Variants in KIAA2012 observed in about 807,000 individuals in gnomAD.
KIAA2012 encodes uncharacterized protein KIAA2012.
In KIAA2012, 125 loss-of-function variants were observed where a neutral mutation model predicts 150.6. The observed-to-expected ratio is 0.83, with a 90% CI of 0.72 to 0.96. The LOEUF (loss-of-function observed/expected upper bound fraction) is 0.96, where lower values mean the gene tolerates loss of function less well. Ranked by LOEUF, KIAA2012 falls within the 40% of genes least tolerant of loss-of-function variation. The pLI is 0.00. For synonymous variants in KIAA2012, 462 were observed against 504.7 expected (o/e 0.92, Z 1.13); for missense variants, 1,219 against 1,354.9 (o/e 0.90, Z 1.57).
intron 4 of KIAA2012, among the ~76,000 whole-genome samples, chr2:202,093,555 T>C (rs1041933294): frequency 6.6e-6 from 1 of 151,914 alleles, no homozygotes; most frequent in Non-Finnish European, 1.5e-5. Context: ...TTTTAGATGA[T>C]TTCTTAGATC....
chr2:202,111,566 A>G (rs185729763), intron 10 of KIAA2012, among the ~76,000 whole-genome samples: 1 of 151,452 alleles, frequency 6.6e-6, no homozygotes, highest in Non-Finnish European at 1.5e-5. Flanking sequence ...GGACTGGGAA[A>G]AGAGAGCAGC....
At chr2:202,156,331 C>T (rs1691523764) in intron 14 of KIAA2012, among the ~76,000 whole-genome samples, 1 of 152,132 alleles carries the variant, frequency 6.6e-6, no homozygotes. Context: ...CCCTTTTATT[C>T]TTAGCAACAG....
chr2:202,076,624 C>T (rs1689329885), intron 2 of KIAA2012, among the ~76,000 whole-genome samples: 1 of 152,116 alleles, frequency 6.6e-6, no homozygotes, highest in South Asian at 2.1e-4. Context: ...TTCTTGCCTC[C>T]TTGTATAGAT....
chr2:202,102,843 G>A, intron 7 of KIAA2012, 103 bp from the exon 8 acceptor site: 2 of 1,137,166 alleles, frequency 1.8e-6, no homozygotes, highest in Middle Eastern at 2.0e-4. Flanking sequence ...TCTCTCAGCA[G>A]CTCCTGGTGC....
At chr2:202,082,629 G>A (rs562786995) in intron 2 of KIAA2012, among the ~76,000 whole-genome samples, 3 of 151,478 alleles carry the variant, frequency 2.0e-5, no homozygotes, top group Non-Finnish European at 4.4e-5. Context: ...TAATTTTTAT[G>A]AAGTCCAACT....
chr2:202,144,324 T>C (rs1691255317), intron 13 of KIAA2012, among the ~76,000 whole-genome samples: 1 of 152,222 alleles, frequency 6.6e-6, no homozygotes, highest in African/African-American at 2.4e-5. Context: ...TACAACAGTA[T>C]AAATTCATAT....
At chr2:202,151,679 T>G (rs1691430724) in intron 13 of KIAA2012, among the ~76,000 whole-genome samples, 1 of 152,228 alleles carries the variant, frequency 6.6e-6, no homozygotes, top group African/African-American at 2.4e-5. Flanking sequence ...TAGTAGGCAC[T>G]TAATAAATAT....
At chr2:202,106,093 TAACA>T in intron 9 of KIAA2012, 183 bp downstream of exon 9, 1 of 1,487,188 alleles carries the variant, frequency 6.7e-7, no homozygotes, top group Non-Finnish European at 8.9e-7. Flanking sequence ...GCACTAAAAC[TAACA>T]GTGTCCAGCT....
intron 21 of KIAA2012, among the ~76,000 whole-genome samples, chr2:202,195,023 C>G (rs1692390445): frequency 6.6e-6 from 1 of 151,916 alleles, no homozygotes; most frequent in South Asian, 2.1e-4. Flanking sequence ...CTGCCTTGGC[C>G]TCCCAAAGTG....
At chr2:202,127,157 A>G (rs1323576132) in intron 12 of KIAA2012, among the ~76,000 whole-genome samples, 1 of 152,204 alleles carries the variant, frequency 6.6e-6, no homozygotes, top group African/African-American at 2.4e-5. Flanking sequence ...TCCTGAAACA[A>G]ATTTTCAAGC....
chr2:202,083,767 G>C (rs1286590715), intron 2 of KIAA2012, among the ~76,000 whole-genome samples: 2 of 151,400 alleles, frequency 1.3e-5, no homozygotes, highest in East Asian at 3.9e-4. Flanking sequence ...GGGGGGCGGG[G>C]GGGCTGTAAC....
intron 2 of KIAA2012, among the ~76,000 whole-genome samples, chr2:202,085,734 G>A (rs942244042): frequency 6.6e-6 from 1 of 152,184 alleles, no homozygotes. Flanking sequence ...AATACACCAA[G>A]ATCAGCTTCC....
chr2:202,109,212 T>G (rs536555161), intron 9 of KIAA2012, among the ~76,000 whole-genome samples: 31 of 152,326 alleles, frequency 2.0e-4, no homozygotes, highest in African/African-American at 7.2e-4. Flanking sequence ...GCCTTAGGAC[T>G]AGGGTTGGAA....
intron 13 of KIAA2012, among the ~76,000 whole-genome samples, chr2:202,153,282 C>G (rs546370669): frequency 9.9e-5 from 15 of 152,056 alleles, no homozygotes; most frequent in Non-Finnish European, 2.2e-4. Flanking sequence ...GATGGCTGCA[C>G]AAGCCTCAGC....
At chr2:202,157,880 T>A (rs574046796) in intron 14 of KIAA2012, among the ~76,000 whole-genome samples, 11 of 152,324 alleles carry the variant, frequency 7.2e-5, no homozygotes, top group African/African-American at 2.6e-4. Context: ...ACACATTCCA[T>A]CTGCACCAGG....
At chr2:202,110,064 C>T (rs1242290195) in intron 10 of KIAA2012, among the ~76,000 whole-genome samples, 1 of 152,202 alleles carries the variant, frequency 6.6e-6, no homozygotes, top group African/African-American at 2.4e-5. Context: ...ACACAGCTCC[C>T]TGTGCTCCTG....
intron 6 of KIAA2012, 149 bp from the exon 7 acceptor site, chr2:202,100,158 C>T: frequency 1.3e-6 from 1 of 798,096 alleles, no homozygotes; most frequent in East Asian, 2.7e-5. Context: ...CTCTCTGAAC[C>T]TGCCTCCCCC....
intron 4 of KIAA2012, among the ~76,000 whole-genome samples, chr2:202,095,141 T>C (rs1263795785): frequency 6.6e-6 from 1 of 152,220 alleles, no homozygotes; most frequent in African/African-American, 2.4e-5. Flanking sequence ...CCTTAGCTTG[T>C]GTTTTAAGCA....
At chr2:202,154,863 C>G in intron 14 of KIAA2012, 53 bp downstream of exon 14, 1 of 1,506,978 alleles carries the variant, frequency 6.6e-7, no homozygotes, top group Non-Finnish European at 8.9e-7. Context: ...CACAGGAATT[C>G]CAGTTAATAC....
Sources: gnomAD v4.1 joint callset for allele counts (sites outside exome capture counted in the v4.1 genomes callset) on GRCh38, gnomAD v4.1.1 for gene constraint, MANE v1.5 for transcripts, NCBI Gene and HGNC (gene_info 2026-07-23, HGNC 2026-07-21) for gene names.